The following SYT1 variants were observed in gnomAD, a reference collection of about 807,000 sequenced individuals.
SYT1 encodes the protein synaptotagmin-1.
A neutral mutation model predicts 44.8 loss-of-function variants in SYT1; 8 were observed. The observed-to-expected ratio is 0.18, with a 90% CI of 0.10 to 0.32. SYT1 has a LOEUF of 0.32. Among genes scored for constraint, SYT1 ranks in the 10% least tolerant of loss-of-function variants. The pLI is 1.00. For synonymous variants in SYT1, 154 were observed against 188.8 expected (o/e 0.82, Z 1.51); for missense variants, 286 against 509.3 (o/e 0.56, Z 4.22).
intron 3 of SYT1, among the ~76,000 whole-genome samples, chr12:79,049,924 A>T (rs1874347606): frequency 6.6e-6 from 1 of 152,034 alleles, no homozygotes; most frequent in Admixed American, 6.6e-5. Context: ...TGTGCTTAAG[A>T]AATATAAAAG....
chr12:78,882,374 A>G (rs1296406395), intron 1 of SYT1, among the ~76,000 whole-genome samples: 4 of 151,738 alleles, frequency 2.6e-5, no homozygotes, highest in East Asian at 1.9e-4. Context: ...ATTGGATCCA[A>G]TCTGAATACA....
At chr12:78,970,875 TTTTG>T (rs1868357758) in intron 1 of SYT1, among the ~76,000 whole-genome samples, 1 of 152,116 alleles carries the variant, frequency 6.6e-6, no homozygotes, top group South Asian at 2.1e-4. Flanking sequence ...TACCCATTGT[TTTTG>T]TTTGTTTTCT....
intron 3 of SYT1, among the ~76,000 whole-genome samples, chr12:79,213,572 A>G (rs1874596008): frequency 6.6e-6 from 1 of 152,242 alleles, no homozygotes; most frequent in African/African-American, 2.4e-5. Flanking sequence ...CTTATTTTTT[A>G]AAGACTGAGT....
chr12:79,024,734 G>A (rs2137639980), intron 2 of SYT1, among the ~76,000 whole-genome samples: 1 of 151,832 alleles, frequency 6.6e-6, no homozygotes, highest in Non-Finnish European at 1.5e-5. Flanking sequence ...TCTGTAGGGG[G>A]ATGCTGAAAT....
At chr12:78,901,474 A>G (rs1014937506) in intron 1 of SYT1, among the ~76,000 whole-genome samples, 2 of 152,112 alleles carry the variant, frequency 1.3e-5, no homozygotes, top group African/African-American at 2.4e-5. Context: ...GAGGTCTTTT[A>G]TATTTCAATA....
intron 1 of SYT1, among the ~76,000 whole-genome samples, chr12:78,961,616 C>T (rs1879509373): frequency 6.6e-6 from 1 of 151,902 alleles, no homozygotes; most frequent in Admixed American, 6.6e-5. Context: ...AGCAGTATGG[C>T]ATATAAACAT....
chr12:79,177,768 G>T (rs1348875824), intron 3 of SYT1, among the ~76,000 whole-genome samples: 31 of 125,916 alleles, frequency 2.5e-4, no homozygotes, highest in African/African-American at 9.6e-4. Context: ...ATCTCATAGT[G>T]GTTTTGATTT....
intron 1 of SYT1, among the ~76,000 whole-genome samples, chr12:78,952,671 C>T (rs1220577619): frequency 6.6e-6 from 1 of 152,036 alleles, no homozygotes; most frequent in African/African-American, 2.4e-5. Flanking sequence ...TCCTACATTC[C>T]CCTATGTTCT....
At chr12:79,126,481 G>A (rs192542850) in intron 3 of SYT1, among the ~76,000 whole-genome samples, 2 of 152,174 alleles carry the variant, frequency 1.3e-5, no homozygotes, top group East Asian at 3.9e-4. Flanking sequence ...GGATGGTCTC[G>A]ATCTCTTGAC....
rs1247521452 is a variant in SYT1, at chr12:78,946,692, CAAAAAAAAGA to C, written c.-216-31092_-216-31083del. Among the ~76,000 whole-genome samples, 141 of 136,254 alleles carry C rather than the reference CAAAAAAAAGA, an allele frequency of 1.0e-3. 1 individual carries two copies. Among genetic ancestry groups the C allele is most frequent in the Middle Eastern group, 3.7e-3 (1 of 270 alleles). The allele number at this position is 136,254 out of a possible 152,430, so 89.4% of individuals were successfully genotyped here. The stretch of plus-strand genomic sequence containing the variant: ...CCTAAGTGACAGAGTAAGACTCTGT[CAAAAAAAAGA>C]AAAAAAAAGAAAAAGAAAAGAAAAA... On this transcript the variant is annotated intron_variant, in intron 1 of 10. Coordinates refer to ENST00000261205, the MANE Select transcript of SYT1 (RefSeq NM_005639.3).
At chr12:79,342,893 C>A (rs1442132280) in intron 8 of SYT1, among the ~76,000 whole-genome samples, 1 of 152,146 alleles carries the variant, frequency 6.6e-6, no homozygotes, top group Non-Finnish European at 1.5e-5. Flanking sequence ...ATATAAAAGT[C>A]TGGGGCTTAG....
intron 2 of SYT1, among the ~76,000 whole-genome samples, chr12:79,018,476 A>C (rs2137609727): frequency 6.6e-6 from 1 of 152,258 alleles, no homozygotes; most frequent in Non-Finnish European, 1.5e-5. Flanking sequence ...CATGTACCCT[A>C]AAACTTAAAG....
chr12:79,021,665 A>C (rs1872203968), intron 2 of SYT1, among the ~76,000 whole-genome samples: 1 of 151,874 alleles, frequency 6.6e-6, no homozygotes, highest in Admixed American at 6.6e-5. Context: ...TAAAGATGAA[A>C]ATTGCTGTGC....
At chr12:79,219,518 T>C (rs575862814) in intron 4 of SYT1, among the ~76,000 whole-genome samples, 1 of 152,238 alleles carries the variant, frequency 6.6e-6, no homozygotes, top group East Asian at 1.9e-4. Flanking sequence ...TAGTTGATTT[T>C]TGTACATGTT....
chr12:79,027,831 G>T (rs1317364500), intron 2 of SYT1, among the ~76,000 whole-genome samples: 1 of 151,506 alleles, frequency 6.6e-6, no homozygotes, highest in Admixed American at 6.6e-5. Context: ...TCTTGAGTTT[G>T]CTTTAAACAG....
intron 2 of SYT1, among the ~76,000 whole-genome samples, chr12:79,017,671 A>T (rs1871896390): frequency 6.6e-6 from 1 of 152,084 alleles, no homozygotes; most frequent in Non-Finnish European, 1.5e-5. Context: ...GGTTGGAAAT[A>T]TAAAAAGAGG....
chr12:79,231,324 C>T (rs1476162299), intron 4 of SYT1, among the ~76,000 whole-genome samples: 1 of 152,060 alleles, frequency 6.6e-6, no homozygotes, highest in Non-Finnish European at 1.5e-5. Flanking sequence ...TTTGAGTGAA[C>T]CTAGGTAACT....
At chr12:79,341,428 A>AG (rs1482830939) in intron 8 of SYT1, 2 of 152,104 alleles carry the variant, frequency 1.3e-5, no homozygotes, top group African/African-American at 4.8e-5. Flanking sequence ...GACATAGAAA[A>AG]GAAAAAAAAT....
intron 1 of SYT1, among the ~76,000 whole-genome samples, chr12:78,943,605 T>A (rs1455333946): frequency 2.6e-5 from 4 of 152,128 alleles, no homozygotes; most frequent in Non-Finnish European, 5.9e-5. Context: ...ACATGAGATT[T>A]GGCAGGGACA....
Sources: allele counts gnomAD v4.1 joint callset (sites outside exome capture counted in the v4.1 genomes callset), GRCh38; gene constraint gnomAD v4.1.1; transcripts MANE v1.5; gene names NCBI Gene and HGNC (gene_info 2026-07-23, HGNC 2026-07-21).